FRMD1: variants seen among roughly 807,000 people sequenced by gnomAD.
FRMD1 encodes FERM domain-containing protein 1.
FRMD1 carries 51 observed loss-of-function variants against 54.9 expected under a neutral mutation model. The observed-to-expected ratio is 0.93, with a 90% CI of 0.74 to 1.17. The LOEUF is 1.17. Among genes scored for constraint, FRMD1 ranks in the 50% most tolerant of loss-of-function variants. FRMD1 has a pLI of 0.00. For missense variants in FRMD1, 729 were observed against 743.0 expected, an observed-to-expected ratio of 0.98 and a Z score of 0.22; for synonymous variants, 324 against 306.4, an observed-to-expected ratio of 1.06 and a Z score of -0.60.
chr6:168,056,261 A>G lies in FRMD1; in HGVS notation c.*836T>C, dbSNP rs1363178388. ...CACCGGATCAGAGCAGGTGCCATGCACAGCTAGTCCCCCACTCTCCGTCTG... is the reference window on the plus strand; with the variant it reads ...CACCGGATCAGAGCAGGTGCCATGCGCAGCTAGTCCCCCACTCTCCGTCTG... On this transcript the variant is annotated 3_prime_UTR_variant, in exon 11 of 11. Transcript: ENST00000283309. The G allele has an allele frequency of 6.6e-6, 1 of 152,340 alleles. No individual in the cohort carries two copies. Among genetic ancestry groups the G allele is most frequent in the Non-Finnish European group, 1.5e-5 (1 of 68,144 alleles). 9.4% of individuals were successfully genotyped at this position (152,340 alleles called of 1,614,324 possible). A position where few individuals can be genotyped will look rare whatever the true frequency, so the allele number is the denominator to read the frequency against.
intron 1 of FRMD1, among the ~76,000 whole-genome samples, chr6:168,078,523 C>T (rs1464863180): frequency 6.8e-6 from 1 of 146,614 alleles, no homozygotes; most frequent in Admixed American, 6.8e-5. Context: ...TCACCCCATA[C>T]CCCTGCTCAC....
chr6:168,080,454 C>A (rs201750423), upstream of FRMD1, among the ~76,000 whole-genome samples: 204 of 3,538 alleles, frequency 0.058, 1 homozygote, highest in African/African-American at 0.13. Flanking sequence ...GGCAAAAAAA[C>A]CACAAAAAAA....
At chr6:168,090,339 AC>A (rs1351908780) in intron 1 of FRMD1, among the ~76,000 whole-genome samples, 5 of 152,120 alleles carry the variant, frequency 3.3e-5, no homozygotes, top group Non-Finnish European at 5.9e-5. Flanking sequence ...CCTGAGAACC[AC>A]CACAATCTCA....
chr6:168,074,839 T>A (rs1311865487), intron 2 of FRMD1, among the ~76,000 whole-genome samples: 6 of 146,246 alleles, frequency 4.1e-5, no homozygotes, highest in African/African-American at 1.3e-4. Flanking sequence ...TGGTGTGTAA[T>A]TGTGGGCATG....
rs1340091027 is a variant in FRMD1, at chr6:168,057,174, G to T, written c.1573C>A (p.Leu525Ile). The change falls in exon 11 of 11, where the codon CTC becomes ATC. Residue 525 changes from leucine to isoleucine, a missense_variant. Physicochemically the swap from Leu to Ile is conservative, Grantham distance 5. Coordinates refer to ENST00000283309, the MANE Select transcript of FRMD1 (RefSeq NM_024919.6). The stretch of plus-strand genomic sequence containing the variant: ...CAGTTGCTGGACCTCTTGCTGGGGA[G>T]AGTGGCCCTGGTCTCGCAGGGGCCT... ...LAGPCETRAT[L>I]PSKRSSNCLA... 1 of 1,588,768 alleles carries T rather than the reference G, an allele frequency of 6.3e-7. No individual in the cohort carries two copies. The highest frequency in any genetic ancestry group is 1.2e-5 in the South Asian group (1 of 86,346).
intron 1 of FRMD1, among the ~76,000 whole-genome samples, chr6:168,091,902 A>G (rs12527674): frequency 0.48 from 73,691 of 152,018 alleles, 19,075 homozygotes; most frequent in African/African-American, 0.67. Context: ...ATCAGGTGTC[A>G]CTAGGAAGAA....
At chr6:168,062,706 G>A in intron 7 of FRMD1, 188 bp downstream of exon 7, 1 of 1,551,726 alleles carries the variant, frequency 6.4e-7, no homozygotes, top group Non-Finnish European at 8.7e-7. Flanking sequence ...GGCCAGGGGA[G>A]GTCGTACAGC....
At position 168,060,953 on chromosome 6, in the gene FRMD1, A is replaced by T; in HGVS notation, c.1150T>A (p.Cys384Ser). 1.3e-5 allele frequency: 21 copies of T among 1,613,166 alleles called. No individual in the cohort carries two copies. The highest frequency in any genetic ancestry group is 1.7e-5 in the Non-Finnish European group (20 of 1,180,006). Residue 384 changes from cysteine to serine, a missense_variant, in exon 9 of 11, where the codon TGC becomes AGC. Cys to Ser is a moderately radical substitution (Grantham distance 112, BLOSUM62 -1). Coordinates refer to ENST00000283309, the MANE Select transcript of FRMD1 (RefSeq NM_024919.6). ...CTGTCGGCGGAGTGGCGTGAGAGGC[A>T]GTGGGGGCAGTGCTGGCTGCTGACC... ...SGVSSQHCPH[C>S]LSRHSADSHG...
chr6:168,068,963 C>A (rs552660885), intron 2 of FRMD1, among the ~76,000 whole-genome samples: 28 of 152,360 alleles, frequency 1.8e-4, no homozygotes, highest in Non-Finnish European at 3.5e-4. Context: ...CGGCGTTAGA[C>A]CCAGGGGGAG....
chr6:168,070,424 A>C (rs1336653144), intron 2 of FRMD1, among the ~76,000 whole-genome samples: 1 of 151,478 alleles, frequency 6.6e-6, no homozygotes. Context: ...ACATCAGTAG[A>C]CTTTGAGCAA....
At chr6:168,079,500 T>G (rs1800767498), upstream of FRMD1, among the ~76,000 whole-genome samples, 1 of 152,216 alleles carries the variant, frequency 6.6e-6, no homozygotes, top group South Asian at 2.1e-4. Context: ...GCAAACCCCA[T>G]GGGCACAGAT....
intron 2 of FRMD1, among the ~76,000 whole-genome samples, chr6:168,071,700 G>A (rs1241264573): frequency 6.6e-6 from 1 of 152,246 alleles, no homozygotes; most frequent in Non-Finnish European, 1.5e-5. Context: ...GTTGGCAGGA[G>A]TCGGAAAGCC....
At chr6:168,086,360 G>A (rs1583213926), upstream of FRMD1, among the ~76,000 whole-genome samples, 1 of 150,316 alleles carries the variant, frequency 6.7e-6, no homozygotes, top group Non-Finnish European at 1.5e-5. Context: ...TGTGCCCAGT[G>A]TGGACACTGC....
At position 168,057,308 on chromosome 6, in the gene FRMD1, T is replaced by C; in HGVS notation, c.1439A>G (p.Glu480Gly). 1 of 1,612,000 alleles carries C rather than the reference T, an allele frequency of 6.2e-7. No individual in the cohort carries two copies. The highest frequency in any genetic ancestry group is 8.5e-7 in the Non-Finnish European group (1 of 1,179,786). ...GTCGTCCAGGCCATGGCTGTGCTGC[T>C]CCTCACTGACCCCGGCTGTCATTTC... ...IQEMTAGVSE[E>G]QHSHGLDDMQ... The change falls in exon 11 of 11, where the codon GAG becomes GGG. Residue 480 changes from glutamate to glycine, a missense_variant. By Grantham distance (98) the Glu-to-Gly change is moderately conservative. Coordinates refer to ENST00000283309, the MANE Select transcript of FRMD1 (RefSeq NM_024919.6).
chr6:168,066,925 C>T (rs760377847), intron 3 of FRMD1, 94 bp from the exon 4 acceptor site: 43 of 1,498,724 alleles, frequency 2.9e-5, no homozygotes, highest in Non-Finnish European at 3.8e-5. Flanking sequence ...GATTGCTTCA[C>T]ACTCAGCTTA....
intron 2 of FRMD1, among the ~76,000 whole-genome samples, chr6:168,069,879 G>A (rs1228383149): frequency 2.6e-5 from 4 of 152,270 alleles, no homozygotes; most frequent in East Asian, 1.9e-4. Context: ...ACAGTGCCCC[G>A]CTGTATGGTC....
intron 7 of FRMD1, 141 bp downstream of exon 7, chr6:168,062,753 G>A (rs1562411079): frequency 1.9e-6 from 3 of 1,575,526 alleles, no homozygotes. Flanking sequence ...CGGGACAGCA[G>A]AGGCAGGGCG....
intron 5 of FRMD1, 112 bp from the exon 6 acceptor site, chr6:168,063,868 G>A (rs1238577036): frequency 1.9e-5 from 24 of 1,261,424 alleles, no homozygotes; most frequent in South Asian, 1.1e-4. Flanking sequence ...TGCCAACCTC[G>A]GTGGGCAGGG....
chr6:168,059,605 G>A lies in FRMD1; in HGVS notation c.1343-417C>T, dbSNP rs1036191806. Among the ~76,000 whole-genome samples the A allele has an allele frequency of 2.0e-5, 3 of 152,158 alleles. No individual in the cohort carries two copies. The highest frequency in any genetic ancestry group is 4.4e-5 in the Non-Finnish European group (3 of 68,008). On this transcript the variant is annotated intron_variant, in intron 9 of 10. Transcript: ENST00000283309. This position sits in a 1 kb window ranked among gnomAD's most constrained non-coding sequence, Gnocchi z 4.4. ...TGGGTGACTGTAGGTGATGCTGGGC[G>A]GTCCTGGGTGACTGAGCCCTGGGGC...
Sources: allele counts gnomAD v4.1 joint callset (sites outside exome capture counted in the v4.1 genomes callset), GRCh38; gene constraint gnomAD v4.1.1; non-coding constraint Gnocchi (gnomAD v3.1); transcripts MANE v1.5; gene names NCBI Gene and HGNC (gene_info 2026-07-23, HGNC 2026-07-21).